ANKRD27: variants seen among roughly 807,000 people sequenced by gnomAD.
The protein encoded by ANKRD27 is ankyrin repeat domain-containing protein 27.
Under a neutral mutation model 129.7 loss-of-function variants are expected in ANKRD27, and 112 were observed. That is an observed-to-expected ratio of 0.86 (90% confidence interval 0.74 to 1.01). The LOEUF is 1.01. Among genes scored for constraint, ANKRD27 ranks in the 50% least tolerant of loss-of-function variants. The pLI, the probability that ANKRD27 is intolerant of heterozygous loss-of-function variation, is 0.00. For synonymous variants in ANKRD27, 516 were observed against 511.2 expected, an observed-to-expected ratio of 1.01 and a Z score of -0.13; for missense variants, 1,258 against 1,300.5, an observed-to-expected ratio of 0.97 and a Z score of 0.50.
chr19:32,643,349 A>C lies in ANKRD27; in HGVS notation c.643T>G (p.Tyr215Asp), dbSNP rs368490549. 1.9e-6 allele frequency: 3 copies of C among 1,613,956 alleles called. No homozygotes were observed. The highest frequency in any genetic ancestry group is 1.7e-6 in the Non-Finnish European group (2 of 1,180,020). Residue 215 changes from tyrosine to aspartate, a missense_variant, in exon 8 of 29, where the codon TAC becomes GAC. Transcript: ENST00000306065. Reference protein sequence around the residue: ...MNLMKQAVEIYVHHEIYNLIF... With the variant: ...MNLMKQAVEIDVHHEIYNLIF... ...AGGTTGTAAATTTCATGATGGACGT[A>C]TATCTGTGGAATCAACAGACCCCAT...
At chr19:32,605,287 G>A (rs193138647) in intron 24 of ANKRD27, among the ~76,000 whole-genome samples, 2 of 152,246 alleles carry the variant, frequency 1.3e-5, no homozygotes, top group East Asian at 1.9e-4. Flanking sequence ...TGAGGCACCT[G>A]AGCCTGGGAG....
chr19:32,609,768 G>A (rs117730319), intron 22 of ANKRD27, among the ~76,000 whole-genome samples: 6,004 of 151,986 alleles, frequency 0.04, 170 homozygotes, highest in Non-Finnish European at 0.059. Flanking sequence ...TTATATATCT[G>A]TAAAACTTGC....
intron 2 of ANKRD27, 140 bp downstream of exon 2, chr19:32,658,774 T>A (rs1967591562): frequency 1.4e-6 from 1 of 733,260 alleles, no homozygotes; most frequent in Admixed American, 2.2e-5. Flanking sequence ...GGCCCCTCGC[T>A]GCTCACTCAC....
intron 2 of ANKRD27, among the ~76,000 whole-genome samples, chr19:32,650,456 G>A (rs1967391435): frequency 6.6e-6 from 1 of 152,148 alleles, no homozygotes; most frequent in African/African-American, 2.4e-5. Context: ...GGAGGCTGAG[G>A]CAGGCAGATC....
Position 32,607,662 on chromosome 19 carries a change from G to T in ANKRD27, c.2346C>A (p.His782Gln), listed in dbSNP as rs777871754. ...GAAAGTGGCCCTGCTGGCAGGCCAG[G>T]TGGAGCGGGACGGCTTGGTCTGCGT... Reference protein sequence around the residue: ...ARNADQAVPLHLACQQGHFQV... With the variant: ...ARNADQAVPLQLACQQGHFQV... The change falls in exon 23 of 29, where the codon CAC (histidine) becomes CAA (glutamine). Residue 782 changes from histidine to glutamine, a missense_variant. By Grantham distance (24) the His-to-Gln change is conservative. Transcript: ENST00000306065. 3 of 1,611,740 alleles carry T rather than the reference G, an allele frequency of 1.9e-6. No homozygotes were observed. The Admixed American group carries it at 5.0e-5, about 27-fold the overall frequency.
intron 20 of ANKRD27, among the ~76,000 whole-genome samples, chr19:32,618,801 C>T (rs947722701): frequency 6.6e-6 from 1 of 152,106 alleles, no homozygotes; most frequent in Non-Finnish European, 1.5e-5. Flanking sequence ...ATCCCAGTTA[C>T]TTGGGAGGCT....
chr19:32,674,970 T>TC (rs1283037608), intron 1 of ANKRD27, 101 bp downstream of exon 1: 2 of 150,428 alleles, frequency 1.3e-5, no homozygotes, highest in African/African-American at 4.9e-5. Flanking sequence ...AGGGAGCCCC[T>TC]CCCCCCTCAC....
chr19:32,644,838 A>G (rs936646208), intron 4 of ANKRD27, among the ~76,000 whole-genome samples: 12 of 152,334 alleles, frequency 7.9e-5, no homozygotes, highest in South Asian at 2.1e-4. Context: ...GCTGGGCGCT[A>G]TAAGAGACAG....
rs753627804 is a variant in ANKRD27, at chr19:32,643,614, G to A, written c.543C>T (p.Leu181=). 3.1e-6 allele frequency: 5 copies of A among 1,613,938 alleles called. No homozygotes were observed. In the African/African-American group the frequency reaches 5.3e-5, roughly 17 times the overall value. Residue 181 remains leucine, a synonymous_variant, in exon 6 of 29, where the codon CTC becomes CTT. Coordinates refer to ENST00000306065, the MANE Select transcript of ANKRD27 (RefSeq NM_032139.3). ...GAAGCTGCTGGAGGCATTTGGTGTA[G>A]AGAGCATTCGCTGAGTCCTAAACCA... ...LRHHIDSANA[L]YTKCLQQLLR... is the part of the protein sequence containing the mutation.
In ANKRD27 at chr19:32,628,271, G is replaced by T. The variant is rs1966927137; in HGVS notation, c.1338-106C>A. 6 of 879,416 alleles carry T rather than the reference G, an allele frequency of 6.8e-6. No individual in the cohort carries two copies. In the East Asian group the frequency reaches 1.3e-4, roughly 18 times the overall value. The allele number at this position is 879,416 out of a possible 1,614,324, so 54.5% of individuals were successfully genotyped here. ...ACCACAGACAGAAGGCGGCTCACAG[G>T]ATGCCACCCAAGAGATGTGTGTCTC... is the stretch of plus-strand genomic sequence containing the variant. On this transcript the variant is annotated intron_variant, in intron 14 of 28. Transcript: ENST00000306065.
intron 20 of ANKRD27, among the ~76,000 whole-genome samples, chr19:32,617,881 A>G (rs1599742271): frequency 1.3e-5 from 2 of 151,264 alleles, no homozygotes; most frequent in African/African-American, 4.9e-5. Flanking sequence ...CAGCCTCCCT[A>G]GTAGCTGGGA....
At position 32,607,709 on chromosome 19, in the gene ANKRD27, C is replaced by G; in HGVS notation, c.2299G>C (p.Gly767Arg). Residue 767 changes from glycine to arginine, a missense_variant, in exon 23 of 29, where the codon GGG becomes CGG. By Grantham distance (125) the Gly-to-Arg change is moderately radical. Transcript: ENST00000306065. ...ADLIPLLLKHGANAGARNADQ... is the reference protein window; with the variant it reads ...ADLIPLLLKHRANAGARNADQ... Reference sequence around the variant, plus strand: ...GCGTTCCTGGCACCTGCGTTGGCCCCGTGCTTCAGCAGGAGGGGGATGAGG... The same window carrying G: ...GCGTTCCTGGCACCTGCGTTGGCCCGGTGCTTCAGCAGGAGGGGGATGAGG... 1.2e-6 allele frequency: 2 copies of G among 1,612,984 alleles called. No homozygotes were observed. Among genetic ancestry groups the G allele is most frequent in the Non-Finnish European group, 1.7e-6 (2 of 1,179,702 alleles).
At position 32,615,683 on chromosome 19, in the gene ANKRD27, C is replaced by T; in HGVS notation, c.2150G>A (p.Cys717Tyr). 6.2e-7 allele frequency: 1 copy of T among 1,614,236 alleles called. No homozygotes were observed. Among genetic ancestry groups the T allele is most frequent in the Non-Finnish European group, 8.5e-7 (1 of 1,180,052 alleles). The change falls in exon 22 of 29, where the codon TGC becomes TAC. Residue 717 changes from cysteine (C) to tyrosine (Y), a missense_variant. Transcript: ENST00000306065. The part of the protein sequence containing the change: ...DPEFCHPLCQ[C>Y]PKCAPAQKRL... Reference sequence around the variant, plus strand: ...CTTCTGAGCTGGGGCACACTTGGGGCACTGGCACAACGGGTGACAGAATTC... The same window carrying T: ...CTTCTGAGCTGGGGCACACTTGGGGTACTGGCACAACGGGTGACAGAATTC...
chr19:32,634,345 A>C (rs1191247623), intron 12 of ANKRD27, among the ~76,000 whole-genome samples: 2 of 152,196 alleles, frequency 1.3e-5, no homozygotes, highest in African/African-American at 4.8e-5. Flanking sequence ...TGCTCCGTCA[A>C]TTACAGGCCA....
intron 10 of ANKRD27, 64 bp downstream of exon 10, chr19:32,641,960 C>T: frequency 6.6e-7 from 1 of 1,504,298 alleles, no homozygotes; most frequent in Non-Finnish European, 8.9e-7. Context: ...GACAGCATCA[C>T]TCTTTGCTTT....
intron 16 of ANKRD27, 117 bp downstream of exon 16, chr19:32,626,595 G>C (rs1008051969): frequency 1.1e-5 from 7 of 638,202 alleles, no homozygotes; most frequent in Admixed American, 6.7e-5. Flanking sequence ...TGGAACGAGG[G>C]GGGCACAGCA....
intron 13 of ANKRD27, among the ~76,000 whole-genome samples, chr19:32,631,146 A>C (rs1966985033): frequency 2.0e-5 from 3 of 151,968 alleles, no homozygotes; most frequent in Admixed American, 2.0e-4. Flanking sequence ...AGCCTCCCGA[A>C]TAGTGAGACT....
intron 24 of ANKRD27, 108 bp from the exon 25 acceptor site, chr19:32,604,532 C>A: frequency 1.7e-6 from 2 of 1,165,796 alleles, no homozygotes; most frequent in Non-Finnish European, 2.3e-6. Context: ...TTTTTTATGT[C>A]TGAAAGTTTC....
intron 3 of ANKRD27, among the ~76,000 whole-genome samples, chr19:32,648,830 A>G (rs1201300404): frequency 1.3e-5 from 2 of 152,022 alleles, no homozygotes; most frequent in African/African-American, 2.4e-5. Flanking sequence ...AAATAATAAT[A>G]ATATGTGTTG....
Sources: gnomAD v4.1 joint callset for allele counts (sites outside exome capture counted in the v4.1 genomes callset) on GRCh38, gnomAD v4.1.1 for gene constraint, MANE v1.5 for transcripts, NCBI Gene and HGNC (gene_info 2026-07-23, HGNC 2026-07-21) for gene names.